OTUD7A: variants seen among roughly 807,000 people sequenced by gnomAD.
OTUD7A encodes OTU deubiquitinase 7A.
In OTUD7A, 12 loss-of-function variants were observed where a neutral mutation model predicts 65.7. That is an observed-to-expected ratio of 0.18 (90% CI 0.12 to 0.30). The LOEUF (loss-of-function observed/expected upper bound fraction) is 0.30, where lower values mean the gene tolerates loss of function less well. Ranked by LOEUF, OTUD7A falls within the 10% of genes least tolerant of loss-of-function variation. OTUD7A has a pLI of 1.00. For synonymous variants in OTUD7A, 641 were observed against 586.3 expected, an observed-to-expected ratio of 1.09 and a Z score of -1.35; for missense variants, 1,148 against 1,304.8, an observed-to-expected ratio of 0.88 and a Z score of 1.85.
In OTUD7A at chr15:31,607,958, A is replaced by G. The variant is rs376451235; in HGVS notation, c.152-37761T>C. On this transcript the variant is annotated intron_variant, in intron 3 of 12. Transcript: ENST00000307050. Reference sequence around the variant, plus strand: ...TTATATTTAATATGGTAGATGTTAAAGAATTTTGGGCTGGGTGCAGTGGCT... The same window carrying G: ...TTATATTTAATATGGTAGATGTTAAGGAATTTTGGGCTGGGTGCAGTGGCT... Among the ~76,000 whole-genome samples, 6 of 152,340 alleles carry G rather than the reference A, an allele frequency of 3.9e-5. No homozygotes were observed. In the East Asian group the frequency reaches 9.6e-4, roughly 24 times the overall value.
chr15:31,685,097 G>C (rs938277836), intron 1 of OTUD7A, among the ~76,000 whole-genome samples: 1 of 152,230 alleles, frequency 6.6e-6, no homozygotes, highest in Non-Finnish European at 1.5e-5. Context: ...TATTCTGCTA[G>C]AATGCAAATA....
At chr15:31,569,000 C>T (rs1303793766) in intron 4 of OTUD7A, among the ~76,000 whole-genome samples, 1 of 152,216 alleles carries the variant, frequency 6.6e-6, no homozygotes, top group Non-Finnish European at 1.5e-5. Context: ...ATTACCCAAC[C>T]TTAGGTATTT....
intron 8 of OTUD7A, among the ~76,000 whole-genome samples, chr15:31,504,689 G>A (rs1309091985): frequency 8.9e-6 from 1 of 112,936 alleles, no homozygotes; most frequent in Non-Finnish European, 1.8e-5. Context: ...CTCAGAATTA[G>A]CTGACGGCAG....
intron 12 of OTUD7A, among the ~76,000 whole-genome samples, chr15:31,485,862 C>A (rs1379745982): frequency 6.6e-6 from 1 of 152,188 alleles, no homozygotes; most frequent in Non-Finnish European, 1.5e-5. Flanking sequence ...GTGACCAGGT[C>A]ACCCCAAAGC....
chr15:31,858,914 C>T (rs1010871992), intron 1 of OTUD7A, among the ~76,000 whole-genome samples: 1 of 152,190 alleles, frequency 6.6e-6, no homozygotes, highest in Non-Finnish European at 1.5e-5. Flanking sequence ...CCCAAGTGTG[C>T]CAGTCACTCT....
intron 4 of OTUD7A, among the ~76,000 whole-genome samples, chr15:31,563,357 G>A (rs1888756402): frequency 6.6e-6 from 1 of 152,242 alleles, no homozygotes; most frequent in African/African-American, 2.4e-5. Flanking sequence ...GGAAGGGGTG[G>A]TTCCTCTGGA....
chr15:31,512,997 T>A (rs1183181878), intron 8 of OTUD7A, among the ~76,000 whole-genome samples: 1 of 152,242 alleles, frequency 6.6e-6, no homozygotes, highest in East Asian at 1.9e-4. Flanking sequence ...GCCTCCCAAG[T>A]AGCTGGGATT....
intron 3 of OTUD7A, among the ~76,000 whole-genome samples, chr15:31,592,961 ATG>A (rs202144871): frequency 3.8e-5 from 4 of 104,614 alleles, no homozygotes; most frequent in African/African-American, 6.2e-5. Flanking sequence ...GTATATATAT[ATG>A]TATATATATA....
chr15:31,860,872 ATTT>A (rs5811669), intron 1 of OTUD7A, among the ~76,000 whole-genome samples: 178 of 87,038 alleles, frequency 2.0e-3, no homozygotes, highest in African/African-American at 7.0e-3. Flanking sequence ...TGCCCAGCTA[ATTT>A]TTTTTTTTTT....
At chr15:31,502,812 GC>G (rs1372585784) in intron 9 of OTUD7A, among the ~76,000 whole-genome samples, 3 of 152,228 alleles carry the variant, frequency 2.0e-5, no homozygotes, top group East Asian at 1.9e-4. Flanking sequence ...GCGTCCCTGA[GC>G]CACACAGGGA....
intron 10 of OTUD7A, among the ~76,000 whole-genome samples, chr15:31,491,549 A>T (rs1355241686): frequency 6.6e-6 from 1 of 152,250 alleles, no homozygotes; most frequent in Admixed American, 6.5e-5. Context: ...TGTGTAAATG[A>T]AATCCCAGAA....
intron 1 of OTUD7A, among the ~76,000 whole-genome samples, chr15:31,822,948 G>A (rs563582124): frequency 7.2e-5 from 11 of 152,198 alleles, no homozygotes; most frequent in South Asian, 2.1e-4. Context: ...CCTACAAGAC[G>A]TATGGTTCCA....
At chr15:31,511,780 A>ATCTATATGTAACATACATATATATG (rs1566894045) in intron 8 of OTUD7A, among the ~76,000 whole-genome samples, 11 of 151,370 alleles carry the variant, frequency 7.3e-5, no homozygotes, top group East Asian at 1.9e-4. Flanking sequence ...ATATATGTAT[A>ATCTATATGTAACATACATATATATG]TATATTTTAC....
At chr15:31,722,142 T>C (rs887604407) in intron 1 of OTUD7A, among the ~76,000 whole-genome samples, 1 of 152,054 alleles carries the variant, frequency 6.6e-6, no homozygotes, top group Non-Finnish European at 1.5e-5. Flanking sequence ...TGACATACCA[T>C]AGGGAGTGAA....
intron 3 of OTUD7A, among the ~76,000 whole-genome samples, chr15:31,638,251 C>T (rs1286143767): frequency 6.6e-6 from 1 of 152,142 alleles, no homozygotes; most frequent in Admixed American, 6.5e-5. Flanking sequence ...AAGATTATGA[C>T]TCACTGAAGG....
intron 8 of OTUD7A, among the ~76,000 whole-genome samples, chr15:31,506,997 A>C (rs1467321574): frequency 6.6e-6 from 1 of 152,212 alleles, no homozygotes; most frequent in Non-Finnish European, 1.5e-5. Flanking sequence ...AATTGTTTTT[A>C]AAGTGTGAAT....
intron 6 of OTUD7A, among the ~76,000 whole-genome samples, chr15:31,530,406 G>A (rs1231876072): frequency 6.6e-6 from 1 of 152,162 alleles, no homozygotes; most frequent in Non-Finnish European, 1.5e-5. Flanking sequence ...CTCCTCCCAG[G>A]AAGTCCTTTT....
chr15:31,678,988 G>A (rs1412712745), intron 1 of OTUD7A, among the ~76,000 whole-genome samples: 4 of 152,228 alleles, frequency 2.6e-5, no homozygotes, highest in Admixed American at 2.6e-4. Context: ...ATACCACAGG[G>A]ATGGAGCTGC....
intron 1 of OTUD7A, among the ~76,000 whole-genome samples, chr15:31,757,595 T>C (rs1417266257): frequency 6.6e-6 from 1 of 152,112 alleles, no homozygotes; most frequent in Admixed American, 6.6e-5. Context: ...CCGCAACGTA[T>C]TCCCATGTAT....
Sources: allele counts gnomAD v4.1 joint callset (sites outside exome capture counted in the v4.1 genomes callset), GRCh38; gene constraint gnomAD v4.1.1; transcripts MANE v1.5; gene names NCBI Gene and HGNC (gene_info 2026-07-23, HGNC 2026-07-21).